ELF5: variants seen among roughly 807,000 people sequenced by gnomAD.
ELF5 encodes the protein E74 like ETS transcription factor 5.
A neutral mutation model predicts 38.2 loss-of-function variants in ELF5; 31 were observed. The ratio of observed to expected loss-of-function variants is 0.81; its 90% CI spans 0.61 to 1.10. The LOEUF is 1.10. Ranked by LOEUF, ELF5 falls within the 50% of genes least tolerant of loss-of-function variation. The pLI is 0.00. For missense variants in ELF5, 300 were observed against 306.6 expected (o/e 0.98, Z 0.16); for synonymous variants, 121 against 112.5 (o/e 1.08, Z -0.48).
At chr11:34,485,045 C>T (rs1424518330) in intron 4 of ELF5, among the ~76,000 whole-genome samples, 1 of 152,204 alleles carries the variant, frequency 6.6e-6, no homozygotes, top group African/African-American at 2.4e-5. Context: ...CCTCCACTAT[C>T]AGCTGATATT....
intron 1 of ELF5, chr11:34,511,875 C>T: frequency 2.5e-6 from 1 of 400,932 alleles, no homozygotes; most frequent in Non-Finnish European, 4.5e-6. Context: ...GGGCATGTGA[C>T]CAAAAATTGG....
intron 2 of ELF5, among the ~76,000 whole-genome samples, chr11:34,495,602 G>T (rs888378999): frequency 1.3e-5 from 2 of 152,232 alleles, no homozygotes; most frequent in Non-Finnish European, 2.9e-5. Flanking sequence ...GGGTGGAGGG[G>T]CAGTTGATTT....
At chr11:34,483,750 T>C (rs1856995505) in intron 4 of ELF5, among the ~76,000 whole-genome samples, 1 of 151,946 alleles carries the variant, frequency 6.6e-6, no homozygotes, top group East Asian at 1.9e-4. Context: ...CTACACCAAC[T>C]ACATTATACT....
In ELF5 at chr11:34,493,611, T is replaced by C. The variant is rs769860948; in HGVS notation, c.223A>G (p.Asn75Asp). The C allele has an allele frequency of 6.2e-7, 1 of 1,614,188 alleles. No individual in the cohort carries two copies. The change falls in exon 3 of 7, where the codon AAT becomes GAT. Residue 75 changes from asparagine to aspartate, a missense_variant. Asn to Asp is a conservative substitution (Grantham distance 23, BLOSUM62 1). Transcript: ENST00000257832. Reference sequence around the variant, plus strand: ...TTGAAGTTGCAGAAGGAGATGCAATTGGTGTCCAACTTGTACTGGTCGCAG... The same window carrying C: ...TTGAAGTTGCAGAAGGAGATGCAATCGGTGTCCAACTTGTACTGGTCGCAG... ...FCCDQYKLDT[N>D]CISFCNFNIS... is the part of the protein sequence containing the mutation.
In ELF5 at chr11:34,507,551, G is replaced by T. The variant is rs141409499; in HGVS notation, c.-4-1798C>A. Among the ~76,000 whole-genome samples the T allele has an allele frequency of 3.9e-5, 6 of 152,348 alleles. No homozygotes were observed. In the East Asian group the frequency reaches 1.2e-3, roughly 29 times the overall value. ...CAGGGTGTGTGGTTGAGGCTGGAAG[G>T]AAGGCAGAAAAGAACAGGCCTAGGG... On this transcript the variant is annotated intron_variant, in intron 1 of 6. Transcript: ENST00000257832.
chr11:34,505,535 C>G, intron 2 of ELF5, 94 bp downstream of exon 2: 2 of 1,576,024 alleles, frequency 1.3e-6, no homozygotes, highest in East Asian at 2.3e-5. Flanking sequence ...TTCCTAGGCC[C>G]CAGCACAGCT....
chr11:34,482,541 G>A lies in ELF5; in HGVS notation c.407-42C>T, dbSNP rs187706448. On this transcript the variant is annotated intron_variant, in intron 4 of 6. Transcript: ENST00000257832. ...TATAGCAGTGGAAAGGGATATAGAG[G>A]CCACATTCAGACCTCAAGTCATACC... 2,470 of 1,512,964 alleles carry A rather than the reference G, an allele frequency of 1.6e-3. 7 individuals are homozygous for A. The highest frequency in any genetic ancestry group is 2.2e-3 in the Middle Eastern group (12 of 5,530). The allele number at this position is 1,512,964 out of a possible 1,614,324, so 93.7% of individuals were successfully genotyped here.
chr11:34,490,499 C>T (rs1850139001), intron 3 of ELF5, among the ~76,000 whole-genome samples: 1 of 152,176 alleles, frequency 6.6e-6, no homozygotes, highest in East Asian at 1.9e-4. Context: ...TCTATAGTCT[C>T]TGACATGGCC....
chr11:34,493,450 C>G (rs747790789), intron 3 of ELF5, 29 bp downstream of exon 3: 1 of 1,601,106 alleles, frequency 6.2e-7, no homozygotes, highest in Non-Finnish European at 8.5e-7. Context: ...TGGTCCCTCC[C>G]CTGGAGGTCT....
Position 34,479,943 on chromosome 11 carries a change from C to T in ELF5, c.*275G>A. On this transcript the variant is annotated 3_prime_UTR_variant, in exon 7 of 7. Transcript: ENST00000257832. ...TCAATGGCATGGGCTGTTGTCATTCCACAACTCTAGGAAAATAAAGTTTGA... is the reference window on the plus strand; with the variant it reads ...TCAATGGCATGGGCTGTTGTCATTCTACAACTCTAGGAAAATAAAGTTTGA... The T allele has an allele frequency of 2.6e-6, 1 of 386,122 alleles. No homozygotes were observed. Among genetic ancestry groups the T allele is most frequent in the Non-Finnish European group, 4.7e-6 (1 of 213,970 alleles). 23.9% of individuals were successfully genotyped at this position (386,122 alleles called of 1,614,324 possible). A position where few individuals can be genotyped will look rare whatever the true frequency, so the allele number is the denominator to read the frequency against.
chr11:34,499,573 G>A (rs1033501573), intron 2 of ELF5, among the ~76,000 whole-genome samples: 1 of 152,192 alleles, frequency 6.6e-6, no homozygotes, highest in East Asian at 1.9e-4. Flanking sequence ...AAATAGATAT[G>A]CAGCAGAATG....
chr11:34,504,297 T>C lies in ELF5; in HGVS notation c.121+1332A>G, dbSNP rs140735284. Reference sequence around the variant, plus strand: ...TCTCATGTCTTTCTGGGAAACAAGGTGCTTCTTAGGCCTAAAGGAGAATTG... The same window carrying C: ...TCTCATGTCTTTCTGGGAAACAAGGCGCTTCTTAGGCCTAAAGGAGAATTG... On this transcript the variant is annotated intron_variant, in intron 2 of 6. Coordinates refer to ENST00000257832, the MANE Select transcript of ELF5 (RefSeq NM_001422.4). 1.1e-3 allele frequency among the ~76,000 whole-genome samples: 173 copies of C among 152,336 alleles called. No homozygotes were observed. In the East Asian group the frequency reaches 0.015, roughly 13 times the overall value.
chr11:34,513,500 C>T (rs1367905336), intron 1 of ELF5, among the ~76,000 whole-genome samples, 177 bp downstream of exon 1: 1 of 152,242 alleles, frequency 6.6e-6, no homozygotes, highest in Non-Finnish European at 1.5e-5. Flanking sequence ...AAGCAGGTCT[C>T]TCTGAGGCAA....
At chr11:34,496,463 A>G (rs1201366065) in intron 2 of ELF5, among the ~76,000 whole-genome samples, 2 of 152,186 alleles carry the variant, frequency 1.3e-5, no homozygotes, top group South Asian at 2.1e-4. Flanking sequence ...CGCCGCTGTC[A>G]GCCCCTCCTC....
At chr11:34,509,043 T>TG (rs1032404705) in intron 1 of ELF5, among the ~76,000 whole-genome samples, 51 of 152,286 alleles carry the variant, frequency 3.3e-4, no homozygotes, top group African/African-American at 1.1e-3. Context: ...CAAATGTGCA[T>TG]GAGACGCCGG....
rs760195057 is a variant in ELF5 at position 34,493,563 on chromosome 11, T to C, written c.271A>G (p.Ser91Gly). ...TCGACGAACTCCTCCTGTGTCATGC[T>C]GCACAGCTGCAGGCCACTGATGTTG... ...NFNISGLQLC[S>G]MTQEEFVEAA... Residue 91 changes from serine (S) to glycine (G), a missense_variant, in exon 3 of 7, where the codon AGC becomes GGC. Coordinates refer to ENST00000257832, the MANE Select transcript of ELF5 (RefSeq NM_001422.4). The C allele has an allele frequency of 6.2e-7, 1 of 1,614,254 alleles. No individual in the cohort carries two copies. Among genetic ancestry groups the C allele is most frequent in the South Asian group, 1.1e-5 (1 of 91,086 alleles).
chr11:34,505,115 TC>T (rs1173474038), intron 2 of ELF5, among the ~76,000 whole-genome samples: 1 of 152,206 alleles, frequency 6.6e-6, no homozygotes, highest in Non-Finnish European at 1.5e-5. Flanking sequence ...CCAGGGCAAG[TC>T]ACTTAGCCTC....
At chr11:34,506,076 T>C (rs773887357) in intron 1 of ELF5, among the ~76,000 whole-genome samples, 1 of 152,224 alleles carries the variant, frequency 6.6e-6, no homozygotes, top group Non-Finnish European at 1.5e-5. Context: ...TTATGTTTCC[T>C]GTTTGCTCAC....
chr11:34,512,337 T>C (rs562365307), intron 1 of ELF5, among the ~76,000 whole-genome samples: 1 of 152,294 alleles, frequency 6.6e-6, no homozygotes, highest in Admixed American at 6.5e-5. Flanking sequence ...TTGTAGCTGT[T>C]TTTCTGAAGG....
Sources: gnomAD v4.1 joint callset for allele counts (sites outside exome capture counted in the v4.1 genomes callset) on GRCh38, gnomAD v4.1.1 for gene constraint, MANE v1.5 for transcripts, NCBI Gene and HGNC (gene_info 2026-07-23, HGNC 2026-07-21) for gene names.